SSBP2: variants seen among roughly 807,000 people sequenced by gnomAD.
SSBP2 encodes single stranded DNA binding protein 2, also known as single-stranded DNA-binding protein 2.
In SSBP2, 17 loss-of-function variants were observed where a neutral mutation model predicts 61.8. That is an observed-to-expected ratio of 0.28 (90% CI 0.19 to 0.41). The LOEUF is 0.41. Ranked by LOEUF, SSBP2 falls within the 10% of genes least tolerant of loss-of-function variation. The pLI is 1.00. For missense variants in SSBP2, 310 were observed against 458.7 expected (o/e 0.68, Z 2.96); for synonymous variants, 139 against 141.3 (o/e 0.98, Z 0.12).
chr5:81,481,666 T>C (rs1236485614), intron 6 of SSBP2, among the ~76,000 whole-genome samples: 1 of 149,958 alleles, frequency 6.7e-6, no homozygotes, highest in African/African-American at 2.5e-5. Context: ...CCTTGATTCA[T>C]GGGATACAGA....
chr5:81,698,874 C>T (rs1753768193), intron 1 of SSBP2, among the ~76,000 whole-genome samples: 1 of 152,170 alleles, frequency 6.6e-6, no homozygotes, highest in Non-Finnish European at 1.5e-5. Context: ...AGTCTTTGTA[C>T]TTCACTGCCC....
At chr5:81,590,571 G>A (rs1433394084) in intron 4 of SSBP2, among the ~76,000 whole-genome samples, 1 of 152,192 alleles carries the variant, frequency 6.6e-6, no homozygotes, top group Non-Finnish European at 1.5e-5. Context: ...AAACCCCTGA[G>A]AGCCAGAAAT....
chr5:81,552,658 AGAAAG>A, intron 4 of SSBP2, among the ~76,000 whole-genome samples: 1 of 151,662 alleles, frequency 6.6e-6, no homozygotes, highest in Admixed American at 6.6e-5. Context: ...AAAAGAAAAA[AGAAAG>A]AAGAAAAAAA....
intron 1 of SSBP2, among the ~76,000 whole-genome samples, chr5:81,724,544 T>C (rs890867996): frequency 1.3e-5 from 2 of 152,206 alleles, no homozygotes; most frequent in Non-Finnish European, 1.5e-5. Context: ...AGTAAGTGTG[T>C]ACTACCAATC....
At chr5:81,636,688 A>T (rs1246459673) in intron 2 of SSBP2, 70 bp from the exon 3 acceptor site, 1 of 1,141,196 alleles carries the variant, frequency 8.8e-7, no homozygotes, top group African/African-American at 1.6e-5. Context: ...AAGTAATAAT[A>T]TCCCCATTTA....
chr5:81,673,951 C>T (rs1457950356), intron 1 of SSBP2, among the ~76,000 whole-genome samples: 1 of 152,098 alleles, frequency 6.6e-6, no homozygotes, highest in Non-Finnish European at 1.5e-5. Context: ...CAGGTTGAAG[C>T]CAGGCATATT....
chr5:81,499,880 A>G (rs1028018514), intron 5 of SSBP2, among the ~76,000 whole-genome samples: 1 of 152,222 alleles, frequency 6.6e-6, no homozygotes, highest in Admixed American at 6.5e-5. Flanking sequence ...GAAGATAGGT[A>G]CTTCAATTTA....
chr5:81,438,580 G>A (rs1345049771), intron 14 of SSBP2, among the ~76,000 whole-genome samples: 4 of 151,978 alleles, frequency 2.6e-5, no homozygotes, highest in South Asian at 4.2e-4. Flanking sequence ...ATTAAATACC[G>A]AATGCATATA....
chr5:81,504,516 C>G (rs1338290479), intron 5 of SSBP2, among the ~76,000 whole-genome samples: 1 of 152,166 alleles, frequency 6.6e-6, no homozygotes, highest in African/African-American at 2.4e-5. Context: ...ACTTGTTTGT[C>G]CCTTAACCTA....
At chr5:81,425,207 G>A (rs1761878361) in intron 16 of SSBP2, among the ~76,000 whole-genome samples, 1 of 152,082 alleles carries the variant, frequency 6.6e-6, no homozygotes, top group African/African-American at 2.4e-5. Flanking sequence ...TGAACAATGT[G>A]TATAAATTTC....
At chr5:81,583,369 C>CTTGT (rs1774810619) in intron 4 of SSBP2, among the ~76,000 whole-genome samples, 1 of 151,630 alleles carries the variant, frequency 6.6e-6, no homozygotes, top group Non-Finnish European at 1.5e-5. Context: ...GTGGCTCACG[C>CTTGT]TTGTAATCCC....
At chr5:81,685,728 C>T (rs1752720324) in intron 1 of SSBP2, among the ~76,000 whole-genome samples, 1 of 151,958 alleles carries the variant, frequency 6.6e-6, no homozygotes, top group Admixed American at 6.6e-5. Context: ...ATTCCAAAAC[C>T]CCAACAGATG....
At chr5:81,453,259 C>T (rs1385385440) in intron 10 of SSBP2, among the ~76,000 whole-genome samples, 1 of 152,006 alleles carries the variant, frequency 6.6e-6, no homozygotes, top group Non-Finnish European at 1.5e-5. Context: ...GACTGCACCA[C>T]TTGCACCACT....
chr5:81,636,398 A>T, intron 3 of SSBP2, 159 bp downstream of exon 3: 2 of 504,380 alleles, frequency 4.0e-6, no homozygotes, highest in Non-Finnish European at 7.1e-6. Context: ...GTTAAATTAC[A>T]CTAGTGCTGG....
chr5:81,715,790 C>T (rs1340763073), intron 1 of SSBP2, among the ~76,000 whole-genome samples: 1 of 152,158 alleles, frequency 6.6e-6, no homozygotes, highest in Admixed American at 6.5e-5. Flanking sequence ...TGCAGTGTGG[C>T]TCACACCTGC....
At chr5:81,581,526 A>C (rs1303783220) in intron 4 of SSBP2, among the ~76,000 whole-genome samples, 1 of 152,248 alleles carries the variant, frequency 6.6e-6, no homozygotes, top group African/African-American at 2.4e-5. Flanking sequence ...TTTTAAAAAC[A>C]GTAGAGAAAA....
chr5:81,502,570 C>T lies in SSBP2; in HGVS notation c.372+11058G>A, dbSNP rs1896774. 3.1e-3 allele frequency among the ~76,000 whole-genome samples: 470 copies of T among 152,320 alleles called. 13 individuals are homozygous for T. Among genetic ancestry groups the T allele is most frequent in the Admixed American group, 0.028 (435 of 15,304 alleles). ...TCAAACATAAAAGTCCAGCCTCTCACATCTTGTTCCCTACTCAAAACCTCT... is the reference window on the plus strand; with the variant it reads ...TCAAACATAAAAGTCCAGCCTCTCATATCTTGTTCCCTACTCAAAACCTCT... On this transcript the variant is annotated intron_variant, in intron 5 of 16. Transcript: ENST00000320672.
At chr5:81,600,992 G>C (rs896061031) in intron 4 of SSBP2, among the ~76,000 whole-genome samples, 1 of 152,030 alleles carries the variant, frequency 6.6e-6, no homozygotes, top group Non-Finnish European at 1.5e-5. Context: ...AGCAAAAGGC[G>C]TTGCACTATT....
At chr5:81,663,212 A>G (rs454487) in intron 1 of SSBP2, among the ~76,000 whole-genome samples, 58,415 of 152,116 alleles carry the variant, frequency 0.38, 11,689 homozygotes, top group Middle Eastern at 0.59. Flanking sequence ...CAAGAAACAC[A>G]TAAATAAAAG....
Sources: allele counts gnomAD v4.1 joint callset (sites outside exome capture counted in the v4.1 genomes callset), GRCh38; gene constraint gnomAD v4.1.1; transcripts MANE v1.5; gene names NCBI Gene and HGNC (gene_info 2026-07-23, HGNC 2026-07-21).